FAM184A: variants seen among roughly 807,000 people sequenced by gnomAD.
FAM184A encodes the protein protein FAM184A.
Under a neutral mutation model 143.8 loss-of-function variants are expected in FAM184A, and 99 were observed. The ratio of observed to expected loss-of-function variants is 0.69; its 90% CI spans 0.58 to 0.81. FAM184A has a LOEUF of 0.81. Ranked by LOEUF, FAM184A falls within the 40% of genes least tolerant of loss-of-function variation. FAM184A has a pLI of 0.00. For missense variants in FAM184A, 1,217 were observed against 1,310.5 expected, an observed-to-expected ratio of 0.93 and a Z score of 1.10; for synonymous variants, 427 against 446.4, an observed-to-expected ratio of 0.96 and a Z score of 0.55.
Position 118,980,242 on chromosome 6 carries a change from G to A in FAM184A, c.2197C>T (p.Leu733Phe). Residue 733 changes from leucine (L) to phenylalanine (F), a missense_variant, in exon 10 of 18, where the codon CTT (leucine) becomes TTT (phenylalanine). By Grantham distance (22) the Leu-to-Phe change is conservative. Transcript: ENST00000338891. ...TQERQRLTQELEELEEQHQQR... is the reference protein window; with the variant it reads ...TQERQRLTQEFEELEEQHQQR... ...TGATGTTGCTCCTCTAATTCTTCAAGCTCTTGCGTAAGCCGCTGTCGTTCT... is the reference window on the plus strand; with the variant it reads ...TGATGTTGCTCCTCTAATTCTTCAAACTCTTGCGTAAGCCGCTGTCGTTCT... The A allele has an allele frequency of 1.2e-6, 2 of 1,614,036 alleles. No homozygotes were observed. Among genetic ancestry groups the A allele is most frequent in the Non-Finnish European group, 1.7e-6 (2 of 1,179,984 alleles).
rs1272348330 is a variant in FAM184A, at chr6:119,016,858, A to G, written c.1419T>C (p.Thr473=). ...NLQSRLEEEV[T]QLNEAHSKTL... is the part of the protein sequence containing the mutation. The stretch of plus-strand genomic sequence containing the variant: ...TCTTAGAATGGGCCTCGTTTAATTG[A>G]GTCACCTCCTCTTCCAATCTACTTT... The change falls in exon 5 of 18, where the codon ACT becomes ACC. Residue 473 remains threonine (T), a synonymous_variant. Coordinates refer to ENST00000338891, the MANE Select transcript of FAM184A (RefSeq NM_024581.6). 9 of 1,613,902 alleles carry G rather than the reference A, an allele frequency of 5.6e-6. No individual in the cohort carries two copies. Among genetic ancestry groups the G allele is most frequent in the Middle Eastern group, 1.6e-4 (1 of 6,084 alleles).
intron 1 of FAM184A, among the ~76,000 whole-genome samples, chr6:119,120,578 C>A (rs956847210): frequency 6.6e-6 from 1 of 152,290 alleles, no homozygotes; most frequent in East Asian, 1.9e-4. Flanking sequence ...GAACTCCCAA[C>A]TGTTTTCTAA....
At chr6:118,974,636 A>T in intron 13 of FAM184A, 62 bp from the exon 14 acceptor site, 2 of 1,377,658 alleles carry the variant, frequency 1.5e-6, no homozygotes, top group Non-Finnish European at 2.0e-6. Context: ...AAAACTTTCT[A>T]TTATTCTACC....
At chr6:119,100,522 G>A (rs1308391919) in intron 1 of FAM184A, among the ~76,000 whole-genome samples, 1 of 152,154 alleles carries the variant, frequency 6.6e-6, no homozygotes, top group Non-Finnish European at 1.5e-5. Flanking sequence ...CCTAAATACA[G>A]TTGACCTCCA....
At chr6:119,139,743 ATCTC>A (rs557480075) in intron 1 of FAM184A, among the ~76,000 whole-genome samples, 8 of 152,154 alleles carry the variant, frequency 5.3e-5, no homozygotes, top group Non-Finnish European at 1.2e-4. Flanking sequence ...AGTTTTACAA[ATCTC>A]TCTCTCTGGC....
At chr6:119,032,820 A>C (rs1725809907) in intron 1 of FAM184A, among the ~76,000 whole-genome samples, 1 of 152,252 alleles carries the variant, frequency 6.6e-6, no homozygotes, top group African/African-American at 2.4e-5. Context: ...ATTTTAAACA[A>C]AGAGAATGTT....
intron 6 of FAM184A, among the ~76,000 whole-genome samples, chr6:119,008,235 T>G (rs1391772028): frequency 6.6e-6 from 1 of 152,208 alleles, no homozygotes. Flanking sequence ...CCATGTGGTC[T>G]TAGTAAGCGC....
At chr6:119,009,257 G>A (rs539831847) in intron 6 of FAM184A, among the ~76,000 whole-genome samples, 23 of 152,220 alleles carry the variant, frequency 1.5e-4, no homozygotes, top group African/African-American at 5.5e-4. Flanking sequence ...GATATGGTTT[G>A]GCTGTGTCCC....
In FAM184A at chr6:118,976,011, G is replaced by T; in HGVS notation, c.2489C>A (p.Ala830Glu). Residue 830 changes from alanine to glutamate, a missense_variant, in exon 12 of 18, where the codon GCA becomes GAA. By Grantham distance (107) the Ala-to-Glu change is moderately radical. Transcript: ENST00000338891. The part of the protein sequence containing the change: ...SLRSELNHQH[A>E]AAIDLLRHNH... ...ATGCCGTAACAAATCAATTGCAGCT[G>T]CATGTTGATGGTTGAGTTCTGAGCG... The T allele has an allele frequency of 6.2e-7, 1 of 1,613,242 alleles. No homozygotes were observed. Among genetic ancestry groups the T allele is most frequent in the South Asian group, 1.1e-5 (1 of 90,778 alleles).
At chr6:119,011,189 A>C in intron 6 of FAM184A, 120 bp downstream of exon 6, 1 of 817,210 alleles carries the variant, frequency 1.2e-6, no homozygotes, top group Non-Finnish European at 1.8e-6. Flanking sequence ...AAAGTTTTTA[A>C]ATTATTTTTA....
At chr6:119,020,702 C>T (rs973538541) in intron 3 of FAM184A, among the ~76,000 whole-genome samples, 1 of 152,102 alleles carries the variant, frequency 6.6e-6, no homozygotes, top group Non-Finnish European at 1.5e-5. Context: ...CAGATAAAGA[C>T]CTAAAGTGGA....
chr6:119,061,801 G>C (rs528584997), intron 1 of FAM184A, among the ~76,000 whole-genome samples: 2 of 151,954 alleles, frequency 1.3e-5, no homozygotes, highest in African/African-American at 4.8e-5. Flanking sequence ...GAGGGATAGG[G>C]AAAGATTTGT....
At chr6:119,090,369 T>A (rs993296743) in intron 1 of FAM184A, among the ~76,000 whole-genome samples, 1 of 152,176 alleles carries the variant, frequency 6.6e-6, no homozygotes, top group Non-Finnish European at 1.5e-5. Context: ...GTGTGTCTGG[T>A]TATTCAATGT....
At chr6:119,116,004 C>CACACAT (rs1259494348) in intron 1 of FAM184A, among the ~76,000 whole-genome samples, 74 of 150,742 alleles carry the variant, frequency 4.9e-4, no homozygotes, top group African/African-American at 1.8e-3. Context: ...CACACACACA[C>CACACAT]ACATACACAC....
rs367680520 is a variant in FAM184A, at chr6:118,964,105, G to A, written c.3138+562C>T. ...CTCGGGAGCTGGAAGCAGGAGGATC[G>A]CTTGAGCCCAAGAGTTTGAGACCAG... On this transcript the variant is annotated intron_variant, in intron 16 of 17. Coordinates refer to ENST00000338891, the MANE Select transcript of FAM184A (RefSeq NM_024581.6). 1.8e-4 allele frequency among the ~76,000 whole-genome samples: 28 copies of A among 152,230 alleles called. No homozygotes were observed. In the East Asian group the frequency reaches 2.5e-3, roughly 14 times the overall value.
At chr6:119,055,980 T>C (rs1786958332) in intron 1 of FAM184A, among the ~76,000 whole-genome samples, 1 of 152,188 alleles carries the variant, frequency 6.6e-6, no homozygotes, top group Admixed American at 6.5e-5. Flanking sequence ...GAGTTTAGAT[T>C]TGATGTGGTA....
chr6:119,141,365 C>T (rs1772229686), intron 1 of FAM184A, among the ~76,000 whole-genome samples: 1 of 152,202 alleles, frequency 6.6e-6, no homozygotes, highest in Admixed American at 6.5e-5. Context: ...GGTTGCAGCT[C>T]GACAGTCGAG....
At position 119,078,514 on chromosome 6, in the gene FAM184A, C is replaced by T. The variant is rs2114802472; in HGVS notation, c.-215G>A. The stretch of plus-strand genomic sequence containing the variant: ...CGCCGGCCCGAAGCCGCGGGGACAA[C>T]GGCGCGGGGCAGATGCCCGGGGTTG... On this transcript the variant is annotated 5_prime_UTR_variant, in exon 1 of 18. Transcript: ENST00000338891. This position sits in a 1 kb window ranked among gnomAD's most constrained non-coding sequence, Gnocchi z 5.5. 5.3e-6 allele frequency: 2 copies of T among 374,062 alleles called. No homozygotes were observed. Among genetic ancestry groups the T allele is most frequent in the South Asian group, 1.3e-4 (1 of 7,424 alleles). 23.2% of individuals were successfully genotyped at this position (374,062 alleles called of 1,614,324 possible).
intron 5 of FAM184A, 51 bp from the exon 6 acceptor site, chr6:119,011,482 C>CCTG: frequency 9.1e-7 from 1 of 1,101,996 alleles, no homozygotes; most frequent in Non-Finnish European, 1.3e-6. Context: ...GTATTATATA[C>CCTG]TTTGAAGACT....
Sources: allele counts gnomAD v4.1 joint callset (sites outside exome capture counted in the v4.1 genomes callset), GRCh38; gene constraint gnomAD v4.1.1; non-coding constraint Gnocchi (gnomAD v3.1); transcripts MANE v1.5; gene names NCBI Gene and HGNC (gene_info 2026-07-23, HGNC 2026-07-21).